Variants in XKR4 observed in about 807,000 individuals in gnomAD.
XKR4 encodes XK-related protein 4.
Under a neutral mutation model 53.9 loss-of-function variants are expected in XKR4, and 12 were observed. The ratio of observed to expected loss-of-function variants is 0.22; its 90% CI spans 0.14 to 0.36. The LOEUF is 0.36. Among genes scored for constraint, XKR4 ranks in the 10% least tolerant of loss-of-function variants. XKR4 has a pLI of 1.00. For missense variants in XKR4, 799 were observed against 859.5 expected, an observed-to-expected ratio of 0.93 and a Z score of 0.88; for synonymous variants, 354 against 362.4, an observed-to-expected ratio of 0.98 and a Z score of 0.26.
intron 1 of XKR4, among the ~76,000 whole-genome samples, chr8:55,218,039 C>CA (rs1406367335): frequency 1.3e-5 from 2 of 151,882 alleles, no homozygotes; most frequent in Non-Finnish European, 2.9e-5. Flanking sequence ...CTGTTTGTCT[C>CA]AAAAAAATAA....
intron 1 of XKR4, among the ~76,000 whole-genome samples, chr8:55,204,208 G>A (rs118014842): frequency 2.6e-5 from 4 of 152,010 alleles, no homozygotes; most frequent in East Asian, 1.9e-4. Context: ...TTCTCGCAAC[G>A]TTGCCCAGGC....
intron 1 of XKR4, chr8:55,140,240 A>C (rs1410295017): frequency 3.0e-6 from 1 of 338,700 alleles, no homozygotes; most frequent in Admixed American, 4.2e-5. Flanking sequence ...ATTAGTTTCA[A>C]ATCATAGATT....
intron 1 of XKR4, among the ~76,000 whole-genome samples, chr8:55,211,114 T>G (rs1817724406): frequency 6.6e-6 from 1 of 152,190 alleles, no homozygotes; most frequent in South Asian, 2.1e-4. Flanking sequence ...TGAAAGAATT[T>G]AACCAAGGAC....
intron 2 of XKR4, among the ~76,000 whole-genome samples, chr8:55,367,113 C>G (rs1252936253): frequency 1.3e-5 from 2 of 152,070 alleles, no homozygotes; most frequent in African/African-American, 4.8e-5. Context: ...TTCAGCATCA[C>G]AGAAGCCCTG....
chr8:55,122,547 A>G (rs549239812), intron 1 of XKR4, among the ~76,000 whole-genome samples: 1 of 152,290 alleles, frequency 6.6e-6, no homozygotes, highest in Non-Finnish European at 1.5e-5. Context: ...ATAATTTGTA[A>G]GTCTGTTGAT....
chr8:55,230,385 AG>A (rs1171663803), intron 1 of XKR4, among the ~76,000 whole-genome samples: 1 of 126,370 alleles, frequency 7.9e-6, no homozygotes, highest in African/African-American at 2.7e-5. Context: ...TTTTTGAGAC[AG>A]GGTTTCTCTC....
At chr8:55,435,068 C>A (rs1398477765) in intron 2 of XKR4, among the ~76,000 whole-genome samples, 2 of 152,204 alleles carry the variant, frequency 1.3e-5, no homozygotes, top group African/African-American at 2.4e-5. Flanking sequence ...CATACACACA[C>A]AATGGAAACA....
intron 1 of XKR4, among the ~76,000 whole-genome samples, chr8:55,147,628 T>G (rs1311053630): frequency 6.6e-6 from 1 of 152,182 alleles, no homozygotes; most frequent in Non-Finnish European, 1.5e-5. Flanking sequence ...CCTCTAAATC[T>G]GTCTCTTTGG....
At chr8:55,348,299 G>GTA in intron 1 of XKR4, among the ~76,000 whole-genome samples, 1 of 152,286 alleles carries the variant, frequency 6.6e-6, no homozygotes, top group South Asian at 2.1e-4. Context: ...CAGCGTGCTT[G>GTA]TCATGAGTGA....
Position 55,471,768 on chromosome 8 carries a change from A to C in XKR4, c.1007-51513A>C, listed in dbSNP as rs1805888267. Among the ~76,000 whole-genome samples the C allele has an allele frequency of 2.6e-5, 4 of 152,090 alleles. 1 individual carries two copies. The South Asian group carries it at 8.3e-4, about 32-fold the overall frequency. On this transcript the variant is annotated intron_variant, in intron 2 of 2. Transcript: ENST00000327381. ...GTGATGAGTAAGTTCTTGCTCAGTG[A>C]GTTCTGGGACCTTCCCCACCCCCTC...
chr8:55,292,702 C>G (rs139758959), intron 1 of XKR4, among the ~76,000 whole-genome samples: 4 of 152,072 alleles, frequency 2.6e-5, no homozygotes, highest in African/African-American at 9.6e-5. Flanking sequence ...CTCTTTCTTT[C>G]TAGGTTCTAG....
chr8:55,119,245 T>A (rs1426425284), intron 1 of XKR4, among the ~76,000 whole-genome samples: 1 of 152,006 alleles, frequency 6.6e-6, no homozygotes, highest in Non-Finnish European at 1.5e-5. Flanking sequence ...GCAGAGAGAA[T>A]GTAGTCTGGG....
At chr8:55,147,520 C>G (rs1204179512) in intron 1 of XKR4, among the ~76,000 whole-genome samples, 3 of 152,332 alleles carry the variant, frequency 2.0e-5, no homozygotes, top group Admixed American at 2.0e-4. Flanking sequence ...GATTCAGATT[C>G]TAGTTCACAT....
At chr8:55,435,558 T>A (rs919620708) in intron 2 of XKR4, among the ~76,000 whole-genome samples, 2 of 144,330 alleles carry the variant, frequency 1.4e-5, no homozygotes, top group African/African-American at 5.0e-5. Context: ...ACCTCTTTTT[T>A]TTTTTATTTT....
chr8:55,508,941 G>A (rs967849431), intron 2 of XKR4, among the ~76,000 whole-genome samples: 28 of 152,314 alleles, frequency 1.8e-4, no homozygotes, highest in Non-Finnish European at 2.1e-4. Flanking sequence ...CCAATGAAAG[G>A]AGAACATATA....
At chr8:55,481,020 A>T (rs1027367773) in intron 2 of XKR4, among the ~76,000 whole-genome samples, 2 of 152,194 alleles carry the variant, frequency 1.3e-5, no homozygotes, top group Non-Finnish European at 2.9e-5. Context: ...GCTACCAATG[A>T]CTTTCTTCAC....
intron 1 of XKR4, among the ~76,000 whole-genome samples, chr8:55,241,357 C>G (rs887162551): frequency 2.6e-5 from 4 of 152,174 alleles, no homozygotes; most frequent in East Asian, 1.9e-4. Context: ...GCTGTTCTCA[C>G]TTTTCTTTAA....
At chr8:55,332,380 T>C (rs1803394695) in intron 1 of XKR4, among the ~76,000 whole-genome samples, 1 of 152,134 alleles carries the variant, frequency 6.6e-6, no homozygotes, top group African/African-American at 2.4e-5. Context: ...TTCATGTATT[T>C]ACCTTTACCA....
intron 1 of XKR4, among the ~76,000 whole-genome samples, chr8:55,198,753 T>C (rs1011469705): frequency 3.3e-5 from 5 of 152,216 alleles, no homozygotes; most frequent in Admixed American, 2.0e-4. Context: ...GGCATTCTTA[T>C]AGCTGTATAA....
Sources: gnomAD v4.1 joint callset for allele counts (sites outside exome capture counted in the v4.1 genomes callset) on GRCh38, gnomAD v4.1.1 for gene constraint, MANE v1.5 for transcripts, NCBI Gene and HGNC (gene_info 2026-07-23, HGNC 2026-07-21) for gene names.